Variants in CSMD1 observed in about 807,000 individuals in gnomAD.
CSMD1 encodes the protein CUB and Sushi multiple domains 1, also known as CUB and sushi domain-containing protein 1.
In CSMD1, 213 loss-of-function variants were observed where a neutral mutation model predicts 417.5. The observed-to-expected ratio is 0.51, with a 90% CI of 0.46 to 0.57. The LOEUF (loss-of-function observed/expected upper bound fraction) is 0.57. Among genes scored for constraint, CSMD1 ranks in the 20% least tolerant of loss-of-function variants. CSMD1 has a pLI of 0.00. For missense variants in CSMD1, 6,923 were observed against 4,529.7 expected (o/e 1.53, Z -15.17); for synonymous variants, 2,862 against 1,736.8 (o/e 1.65, Z -16.11).
intron 23 of CSMD1, among the ~76,000 whole-genome samples, chr8:3,325,326 G>A (rs939223291): frequency 3.3e-5 from 5 of 152,222 alleles, no homozygotes; most frequent in East Asian, 1.9e-4. Flanking sequence ...TTCTGTCATC[G>A]CTCCTATCAT....
intron 3 of CSMD1, among the ~76,000 whole-genome samples, chr8:4,133,854 G>A (rs925110839): frequency 6.6e-6 from 1 of 152,032 alleles, no homozygotes; most frequent in Non-Finnish European, 1.5e-5. Context: ...TGCAATCAGG[G>A]TTACACATAT....
intron 1 of CSMD1, among the ~76,000 whole-genome samples, chr8:4,682,105 G>T (rs1806087824): frequency 6.6e-6 from 1 of 152,066 alleles, no homozygotes; most frequent in Non-Finnish European, 1.5e-5. Context: ...TGCAACCTCC[G>T]CCTCCTGGGC....
At chr8:3,593,302 G>A (rs1198336313) in intron 8 of CSMD1, among the ~76,000 whole-genome samples, 1 of 152,240 alleles carries the variant, frequency 6.6e-6, no homozygotes, top group Admixed American at 6.5e-5. Flanking sequence ...GTTCCCAGCT[G>A]TGGCCTCATG....
chr8:4,567,517 G>C (rs1011677569), intron 2 of CSMD1, among the ~76,000 whole-genome samples: 2 of 152,068 alleles, frequency 1.3e-5, no homozygotes, highest in African/African-American at 4.8e-5. Context: ...CTTAGAAATC[G>C]CAGGTAGACT....
chr8:3,322,983 T>C (rs1806253856), intron 23 of CSMD1, among the ~76,000 whole-genome samples: 1 of 152,232 alleles, frequency 6.6e-6, no homozygotes, highest in Non-Finnish European at 1.5e-5. Context: ...CACTGAAGCC[T>C]TCCTCATCAG....
At chr8:3,653,157 C>G (rs1327276706) in intron 7 of CSMD1, among the ~76,000 whole-genome samples, 1 of 151,722 alleles carries the variant, frequency 6.6e-6, no homozygotes, top group East Asian at 1.9e-4. Context: ...TTTCAAGTTG[C>G]ATATATTTTT....
intron 10 of CSMD1, among the ~76,000 whole-genome samples, chr8:3,539,925 G>A (rs1798368217): frequency 6.6e-6 from 1 of 152,152 alleles, no homozygotes; most frequent in Admixed American, 6.5e-5. Context: ...TTCATGGATA[G>A]ACCATAACTT....
intron 3 of CSMD1, among the ~76,000 whole-genome samples, chr8:4,209,671 G>T (rs1003905101): frequency 6.6e-6 from 1 of 152,138 alleles, no homozygotes; most frequent in Non-Finnish European, 1.5e-5. Context: ...ACCCAGGAAG[G>T]AAATCAAGGG....
At chr8:3,887,294 A>T (rs1806631592) in intron 5 of CSMD1, among the ~76,000 whole-genome samples, 1 of 152,196 alleles carries the variant, frequency 6.6e-6, no homozygotes, top group African/African-American at 2.4e-5. Context: ...CCCACGGTAC[A>T]TCCTCCCCCC....
At chr8:3,605,554 A>T (rs112067618) in intron 8 of CSMD1, among the ~76,000 whole-genome samples, 2,194 of 152,308 alleles carry the variant, frequency 0.014, 32 homozygotes, top group Admixed American at 0.02. Context: ...TGGGCTATGG[A>T]TTTGTTTCTG....
At chr8:4,446,748 T>TGC (rs1445154692) in intron 2 of CSMD1, among the ~76,000 whole-genome samples, 3 of 113,854 alleles carry the variant, frequency 2.6e-5, no homozygotes, top group South Asian at 2.8e-4. Context: ...TGTGTGTGTG[T>TGC]GTGTGTCTGT....
At chr8:4,319,427 C>G (rs1383195363) in intron 3 of CSMD1, among the ~76,000 whole-genome samples, 1 of 152,086 alleles carries the variant, frequency 6.6e-6, no homozygotes. Flanking sequence ...ACCAATATAC[C>G]TACACTTCTT....
intron 1 of CSMD1, among the ~76,000 whole-genome samples, chr8:4,931,597 G>T (rs537776392): frequency 2.6e-5 from 4 of 152,144 alleles, no homozygotes; most frequent in Admixed American, 1.3e-4. Context: ...TTATAGCTAC[G>T]TTATAAACTA....
intron 25 of CSMD1, among the ~76,000 whole-genome samples, chr8:3,286,425 T>C (rs1803163358): frequency 6.6e-6 from 1 of 152,200 alleles, no homozygotes; most frequent in Non-Finnish European, 1.5e-5. Context: ...ATGGTTGAAC[T>C]AGTTTACAGT....
intron 2 of CSMD1, among the ~76,000 whole-genome samples, chr8:4,583,357 G>A (rs1019824653): frequency 2.6e-5 from 4 of 151,972 alleles, no homozygotes; most frequent in African/African-American, 9.7e-5. Context: ...TACACCAATC[G>A]GCATTCTGTA....
intron 23 of CSMD1, 43 bp downstream of exon 23, chr8:3,343,251 G>C: frequency 7.0e-6 from 11 of 1,562,568 alleles, no homozygotes; most frequent in Non-Finnish European, 8.8e-6. Flanking sequence ...GATATGTCCT[G>C]ACAAAATGAA....
At chr8:3,805,860 A>G (rs994387722) in intron 5 of CSMD1, among the ~76,000 whole-genome samples, 1 of 152,132 alleles carries the variant, frequency 6.6e-6, no homozygotes, top group Admixed American at 6.6e-5. Flanking sequence ...TTCATGCCTC[A>G]GTTTCCCAGA....
At chr8:3,880,909 A>G (rs1029875463) in intron 5 of CSMD1, among the ~76,000 whole-genome samples, 1 of 152,180 alleles carries the variant, frequency 6.6e-6, no homozygotes, top group South Asian at 2.1e-4. Flanking sequence ...AGTAAACACA[A>G]TGTTATTTAC....
At chr8:3,731,661 A>C (rs916250561) in intron 6 of CSMD1, among the ~76,000 whole-genome samples, 4 of 152,210 alleles carry the variant, frequency 2.6e-5, no homozygotes, top group African/African-American at 9.7e-5. Context: ...TATGCTCGGT[A>C]CTGGGAGGTC....
Sources: allele counts gnomAD v4.1 joint callset (sites outside exome capture counted in the v4.1 genomes callset), GRCh38; gene constraint gnomAD v4.1.1; transcripts MANE v1.5; gene names NCBI Gene and HGNC (gene_info 2026-07-23, HGNC 2026-07-21).